The following STOX2 variants were observed in gnomAD, a reference collection of about 807,000 sequenced individuals.
The protein encoded by STOX2 is storkhead-box protein 2.
In STOX2, 28 loss-of-function variants were observed where a neutral mutation model predicts 60.9. The ratio of observed to expected loss-of-function variants is 0.46; its 90% CI spans 0.34 to 0.63. The LOEUF (loss-of-function observed/expected upper bound fraction) is 0.63. STOX2 is among the 30% of genes least tolerant of loss of function. The pLI is 0.01. For missense variants in STOX2, 1,024 were observed against 1,187.7 expected (o/e 0.86, Z 2.03); for synonymous variants, 472 against 463.9 (o/e 1.02, Z -0.22).
Position 184,017,915 on chromosome 4 carries a change from G to C in STOX2, c.*631G>C, listed in dbSNP as rs546578473. 4 of 152,286 alleles carry C rather than the reference G, an allele frequency of 2.6e-5. No individual in the cohort carries two copies. The South Asian group carries it at 6.2e-4, about 24-fold the overall frequency. 9.4% of individuals were successfully genotyped at this position (152,286 alleles called of 1,614,324 possible). On this transcript the variant is annotated 3_prime_UTR_variant, in exon 4 of 4. Transcript: ENST00000308497. ...TGCAGGAGCCCATGGAAGTGTGTGAGAAGGGGTCGCAATGGAGATCACTGG... is the reference window on the plus strand; with the variant it reads ...TGCAGGAGCCCATGGAAGTGTGTGACAAGGGGTCGCAATGGAGATCACTGG...
At chr4:183,807,236 TG>T (rs1309352888) in intron 1 of STOX2, among the ~76,000 whole-genome samples, 2 of 152,182 alleles carry the variant, frequency 1.3e-5, no homozygotes, top group East Asian at 3.9e-4. Context: ...CCTCCCAAAG[TG>T]CTGGGATTAC....
chr4:183,932,467 A>C (rs918123858), intron 1 of STOX2, among the ~76,000 whole-genome samples: 1 of 106,140 alleles, frequency 9.4e-6, no homozygotes, highest in Admixed American at 1.0e-4. Context: ...CATACAGTAT[A>C]TGTATGTATA....
chr4:183,897,113 A>G (rs899305347), intron 1 of STOX2, among the ~76,000 whole-genome samples: 1 of 152,228 alleles, frequency 6.6e-6, no homozygotes, highest in Admixed American at 6.5e-5. Flanking sequence ...GGGAAAATCT[A>G]AAGACTCACT....
At chr4:183,877,168 A>G (rs1354897630) in intron 1 of STOX2, among the ~76,000 whole-genome samples, 1 of 152,224 alleles carries the variant, frequency 6.6e-6, no homozygotes, top group Non-Finnish European at 1.5e-5. Flanking sequence ...TCTTTGGGAT[A>G]AAAACAATCT....
chr4:183,977,251 T>G (rs1732483028), intron 1 of STOX2, among the ~76,000 whole-genome samples: 2 of 152,142 alleles, frequency 1.3e-5, no homozygotes, highest in Admixed American at 1.3e-4. Flanking sequence ...GAGTCTTTAA[T>G]GTCTGTTATT....
At chr4:183,881,298 C>T (rs561792260) in intron 1 of STOX2, among the ~76,000 whole-genome samples, 2 of 152,156 alleles carry the variant, frequency 1.3e-5, no homozygotes, top group Admixed American at 6.5e-5. Context: ...GTCAGGAGTT[C>T]GAGACCATCC....
intron 1 of STOX2, among the ~76,000 whole-genome samples, chr4:183,854,700 T>C (rs567488888): frequency 6.6e-6 from 1 of 152,246 alleles, no homozygotes. Flanking sequence ...AGAAACTTTC[T>C]CATAAATGAT....
intron 1 of STOX2, among the ~76,000 whole-genome samples, chr4:183,845,389 T>G (rs146827454): frequency 7.7e-4 from 117 of 152,310 alleles, no homozygotes; most frequent in African/African-American, 2.6e-3. Context: ...TGGTTCAATT[T>G]ACCTTGAAGA....
Position 184,016,940 on chromosome 4 carries a change from G to A in STOX2, c.2586-149G>A, listed in dbSNP as rs114063281. 545 of 606,914 alleles carry A rather than the reference G, an allele frequency of 9.0e-4. 3 individuals carry two copies. Among genetic ancestry groups the A allele is most frequent in the African/African-American group, 8.7e-3 (460 of 52,690 alleles). The allele number at this position is 606,914 out of a possible 1,614,324, so 37.6% of individuals were successfully genotyped here. On this transcript the variant is annotated intron_variant, in intron 3 of 3. Transcript: ENST00000308497. Reference sequence around the variant, plus strand: ...TGGAGCCAGTGGTGGAGAGGCAGATGTGAATAATCAGTCGAGATGTATATT... The same window carrying A: ...TGGAGCCAGTGGTGGAGAGGCAGATATGAATAATCAGTCGAGATGTATATT...
Position 184,010,225 on chromosome 4 carries a change from T to A in STOX2, c.1387T>A (p.Ser463Thr), listed in dbSNP as rs1471914585. Residue 463 changes from serine (S) to threonine (T), a missense_variant, in exon 3 of 4, where the codon TCC (serine) becomes ACC (threonine). By Grantham distance (58) the Ser-to-Thr change is moderately conservative. Transcript: ENST00000308497. The surrounding 1 kb of genome is among the most constrained non-coding windows in gnomAD (Gnocchi z 4.5). ...TTTTCCTGAACCTTCTAGGGGAAGC[T>A]CCCACTCAAAAGTGCACCGAAGCCA... is the stretch of plus-strand genomic sequence containing the variant. ...MPFPEPSRGS[S>T]HSKVHRSHSH... is the part of the protein sequence containing the mutation. 5 of 1,556,300 alleles carry A rather than the reference T, an allele frequency of 3.2e-6. No individual in the cohort carries two copies. In the East Asian group the frequency reaches 9.7e-5, roughly 30 times the overall value.
chr4:183,827,323 C>T (rs1275761748), intron 1 of STOX2, among the ~76,000 whole-genome samples: 2 of 152,118 alleles, frequency 1.3e-5, no homozygotes, highest in East Asian at 3.9e-4. Flanking sequence ...CACAGCAAGA[C>T]CCCAGTCTAC....
rs530487956 is a variant in STOX2, at chr4:183,910,469, C to T, written c.166+3513C>T. 2.6e-5 allele frequency among the ~76,000 whole-genome samples: 4 copies of T among 152,304 alleles called. No homozygotes were observed. In the East Asian group the frequency reaches 5.8e-4, roughly 22 times the overall value. ...TTATGTGAACTGTAAGCTCTTCACACGAATGATGCTGCTAACTTTTAATTT... is the reference window on the plus strand; with the variant it reads ...TTATGTGAACTGTAAGCTCTTCACATGAATGATGCTGCTAACTTTTAATTT... On this transcript the variant is annotated intron_variant, in intron 1 of 3. Transcript: ENST00000308497.
At chr4:183,941,332 C>G (rs1742748219) in intron 1 of STOX2, among the ~76,000 whole-genome samples, 2 of 152,122 alleles carry the variant, frequency 1.3e-5, no homozygotes, top group African/African-American at 4.8e-5. Context: ...CTTTGGGAGG[C>G]CAAGGTGGGC....
rs143030413 is a variant in STOX2, at chr4:183,944,726, A to G, written c.166+37770A>G. Among the ~76,000 whole-genome samples, 543 of 152,354 alleles carry G rather than the reference A, an allele frequency of 3.6e-3. 13 individuals carry two copies. The highest frequency in any genetic ancestry group is 0.024 in the Admixed American group (371 of 15,304). ...CTCCATCTCTAAATAAAATGAAATA[A>G]AATAAAATGGTGAGAAAGTCATTTA... On this transcript the variant is annotated intron_variant, in intron 1 of 3. Coordinates refer to ENST00000308497, the MANE Select transcript of STOX2 (RefSeq NM_020225.3).
intron 1 of STOX2, among the ~76,000 whole-genome samples, chr4:183,813,378 G>A (rs778895832): frequency 8.6e-5 from 13 of 152,044 alleles, no homozygotes; most frequent in Non-Finnish European, 1.8e-4. Context: ...GTGAGACCCT[G>A]TCTCAAAAAG....
rs1051456804 is a variant in STOX2 at position 183,836,328 on chromosome 4, G to A, written c.364+38273G>A. On this transcript the variant is annotated intron_variant, in intron 1 of 2. Transcript: ENST00000513034. This position sits in a 1 kb window ranked among gnomAD's most constrained non-coding sequence, Gnocchi z 4.1. ...TCAATGGGTATGGTTGTGGTGTAGC[G>A]GGTTTCAGCAGCAACAGTGGTCTGA... Among the ~76,000 whole-genome samples, 5 of 152,124 alleles carry A rather than the reference G, an allele frequency of 3.3e-5. No individual in the cohort carries two copies. Among genetic ancestry groups the A allele is most frequent in the East Asian group, 1.9e-4 (1 of 5,198 alleles).
chr4:183,857,954 C>T (rs548923569), intron 1 of STOX2, among the ~76,000 whole-genome samples: 6 of 152,206 alleles, frequency 3.9e-5, no homozygotes, highest in East Asian at 3.8e-4. Flanking sequence ...AAACATTTAT[C>T]GAGTGCCTTT....
intron 1 of STOX2, among the ~76,000 whole-genome samples, chr4:183,847,503 C>T (rs1324276372): frequency 1.3e-5 from 2 of 152,122 alleles, no homozygotes; most frequent in African/African-American, 4.8e-5. Context: ...GAACATATTG[C>T]CTTTTCTATC....
chr4:183,972,298 G>T (rs1743766942), intron 1 of STOX2, among the ~76,000 whole-genome samples: 1 of 152,204 alleles, frequency 6.6e-6, no homozygotes, highest in Admixed American at 6.5e-5. Context: ...AGTTGTGCTA[G>T]AAGTATGTGG....
Sources: allele counts gnomAD v4.1 joint callset (sites outside exome capture counted in the v4.1 genomes callset), GRCh38; gene constraint gnomAD v4.1.1; non-coding constraint Gnocchi (gnomAD v3.1); transcripts MANE v1.5; gene names NCBI Gene and HGNC (gene_info 2026-07-23, HGNC 2026-07-21).